Variants in ATP2B4 observed in about 807,000 individuals in gnomAD.
ATP2B4 encodes ATPase plasma membrane Ca2+ transporting 4.
In ATP2B4, 39 loss-of-function variants were observed where a neutral mutation model predicts 110.3. That is an observed-to-expected ratio of 0.35 (90% CI 0.27 to 0.46). ATP2B4 has a LOEUF of 0.46. Among genes scored for constraint, ATP2B4 ranks in the 20% least tolerant of loss-of-function variants. The pLI is 1.00. For missense variants in ATP2B4, 1,135 were observed against 1,530.9 expected, an observed-to-expected ratio of 0.74 and a Z score of 4.32; for synonymous variants, 538 against 571.7, an observed-to-expected ratio of 0.94 and a Z score of 0.84.
chr1:203,689,933 C>G (rs962447452), intron 2 of ATP2B4, among the ~76,000 whole-genome samples: 1 of 152,232 alleles, frequency 6.6e-6, no homozygotes, highest in African/African-American at 2.4e-5. Flanking sequence ...CAGTGAAGCT[C>G]TAGCATGGCC....
At position 203,700,852 on chromosome 1, in the gene ATP2B4, A is replaced by C; in HGVS notation, c.830A>C (p.Asn277Thr). The change falls in exon 6 of 21, where the codon AAC (asparagine) becomes ACC (threonine). Residue 277 changes from asparagine to threonine, a missense_variant. Physicochemically the swap from Asn to Thr is moderately conservative, Grantham distance 65 (BLOSUM62 0). Transcript: ENST00000357681. ...GRMVVTAVGV[N>T]SQTGIILTLL... ...ATGGTGGTGACAGCTGTTGGTGTCA[A>C]CTCTCAGACTGGAATCATCCTTACT... 6.2e-7 allele frequency: 1 copy of C among 1,613,332 alleles called. No individual in the cohort carries two copies. Among genetic ancestry groups the C allele is most frequent in the Non-Finnish European group, 8.5e-7 (1 of 1,179,678 alleles).
chr1:203,678,686 G>A (rs1164780745), intron 1 of ATP2B4, among the ~76,000 whole-genome samples: 3 of 152,202 alleles, frequency 2.0e-5, no homozygotes, highest in Non-Finnish European at 4.4e-5. Context: ...TTACAGGCAG[G>A]AGCCACGGCA....
At chr1:203,632,407 G>T (rs58762930) in intron 1 of ATP2B4, among the ~76,000 whole-genome samples, 1 of 151,420 alleles carries the variant, frequency 6.6e-6, no homozygotes, top group African/African-American at 2.4e-5. Flanking sequence ...GCGGTGGTGG[G>T]ATCTCGGCTC....
intron 1 of ATP2B4, among the ~76,000 whole-genome samples, chr1:203,632,246 A>G (rs139187820): frequency 2.3e-4 from 35 of 152,252 alleles, no homozygotes; most frequent in African/African-American, 7.9e-4. Flanking sequence ...CTGTGAACTT[A>G]TATGACATGA....
chr1:203,647,351 C>T (rs1663831717), intron 1 of ATP2B4, among the ~76,000 whole-genome samples: 1 of 152,042 alleles, frequency 6.6e-6, no homozygotes, highest in South Asian at 2.1e-4. Flanking sequence ...CGGGAGGATC[C>T]CTTGAGTCCA....
intron 1 of ATP2B4, among the ~76,000 whole-genome samples, chr1:203,655,581 G>A (rs749756999): frequency 4.5e-4 from 68 of 152,122 alleles, no homozygotes; most frequent in Non-Finnish European, 7.8e-4. Context: ...GGGAGGTGGA[G>A]GTTGCAGTGA....
rs150860585 is a variant in ATP2B4, at chr1:203,721,440, G to T, written c.2812+30G>T. On this transcript the variant is annotated intron_variant, in intron 17 of 20. Transcript: ENST00000357681. ...GCCACTTTGGGGGTGGGTAGCAGCT[G>T]GGGTCCTGGTTGGAGGTGGGGGCAG... 799 of 1,606,358 alleles carry T rather than the reference G, an allele frequency of 5.0e-4. 7 individuals are homozygous for T. In the African/African-American group the frequency reaches 9.7e-3, roughly 20 times the overall value.
intron 20 of ATP2B4, among the ~76,000 whole-genome samples, chr1:203,733,057 C>G (rs1666777668): frequency 6.6e-6 from 1 of 152,096 alleles, no homozygotes; most frequent in African/African-American, 2.4e-5. Flanking sequence ...TTCTCCTCAC[C>G]ATTGCTTTTT....
At chr1:203,730,302 T>C (rs1213184826) in intron 20 of ATP2B4, among the ~76,000 whole-genome samples, 3 of 150,832 alleles carry the variant, frequency 2.0e-5, no homozygotes, top group Non-Finnish European at 4.4e-5. Context: ...TCCTTTTCCC[T>C]CTCTCAAGTT....
chr1:203,710,636 TGGGTAA>T (rs1665979071), intron 11 of ATP2B4, among the ~76,000 whole-genome samples: 2 of 152,218 alleles, frequency 1.3e-5, no homozygotes, highest in African/African-American at 4.8e-5. Flanking sequence ...CATTCACATA[TGGGTAA>T]GAACAGATGA....
intron 1 of ATP2B4, among the ~76,000 whole-genome samples, chr1:203,634,241 G>A (rs1663368747): frequency 6.6e-6 from 1 of 152,130 alleles, no homozygotes; most frequent in Non-Finnish European, 1.5e-5. Flanking sequence ...TAGCAATTCT[G>A]AAACATGCAT....
In ATP2B4 at chr1:203,683,356, G is replaced by A. The variant is rs935270974; in HGVS notation, c.151G>A (p.Val51Ile). The A allele has an allele frequency of 3.7e-6, 6 of 1,613,784 alleles. No individual in the cohort carries two copies. The highest frequency in any genetic ancestry group is 2.7e-5 in the African/African-American group (2 of 74,922). Residue 51 changes from valine to isoleucine, a missense_variant, in exon 2 of 21, where the codon GTA (valine) becomes ATA (isoleucine). Coordinates refer to ENST00000357681, the MANE Select transcript of ATP2B4 (RefSeq NM_001684.5). ...LTQINVHYGG[V>I]QNLCSRLKTS... ...CCAGATTAATGTCCACTATGGAGGT[G>A]TACAGAATCTCTGCAGTAGACTGAA... is the stretch of plus-strand genomic sequence containing the variant.
chr1:203,677,189 A>G lies in ATP2B4; in HGVS notation c.-464-5553A>G, dbSNP rs78702498. Among the ~76,000 whole-genome samples the G allele has an allele frequency of 2.6e-3, 399 of 152,300 alleles. 9 individuals are homozygous for G. In the East Asian group the frequency reaches 0.035, roughly 13 times the overall value. ...CAATGAAACAGTGTATGTAAGAATG[A>G]TAATAGCTACAGTGTGTGGACCAGC... On this transcript the variant is annotated intron_variant, in intron 1 of 20. Coordinates refer to ENST00000357681, the MANE Select transcript of ATP2B4 (RefSeq NM_001684.5).
rs556156544 is a variant in ATP2B4 at position 203,716,723 on chromosome 1, C to G, written c.2406+2446C>G. Among the ~76,000 whole-genome samples, 20 of 144,852 alleles carry G rather than the reference C, an allele frequency of 1.4e-4. 5 individuals carry two copies. Among genetic ancestry groups the G allele is most frequent in the Non-Finnish European group, 2.5e-4 (16 of 65,040 alleles). On this transcript the variant is annotated intron_variant, in intron 15 of 20. Transcript: ENST00000357681. ...GGTTGTTTGTCTGCAGAGACTATCC[C>G]TCAGTATAGATTTTGTTGATTATTT... is the stretch of plus-strand genomic sequence containing the variant.
chr1:203,742,047 T>G lies in ATP2B4; in HGVS notation c.*2193T>G, dbSNP rs1667007187. 1 of 152,778 alleles carries G rather than the reference T, an allele frequency of 6.5e-6. No individual in the cohort carries two copies. Among genetic ancestry groups the G allele is most frequent in the East Asian group, 1.9e-4 (1 of 5,192 alleles). 9.5% of individuals were successfully genotyped at this position (152,778 alleles called of 1,614,324 possible). On this transcript the variant is annotated 3_prime_UTR_variant, in exon 21 of 21. Coordinates refer to ENST00000357681, the MANE Select transcript of ATP2B4 (RefSeq NM_001684.5). ...CTTTTTAAAAGTCAATGGTTTTTTTTCTTGTGTTCTAGTTTCCATAATAGG... is the reference window on the plus strand; with the variant it reads ...CTTTTTAAAAGTCAATGGTTTTTTTGCTTGTGTTCTAGTTTCCATAATAGG...
In ATP2B4 at chr1:203,700,959, C is replaced by T. The variant is rs200785034; in HGVS notation, c.901+36C>T. ...TCTGGAATGAGATTCTCTTTCCTCT[C>T]ATCCCCATGGACAAACAAGGAAGCG... On this transcript the variant is annotated intron_variant, in intron 6 of 20. Coordinates refer to ENST00000357681, the MANE Select transcript of ATP2B4 (RefSeq NM_001684.5). 6.1e-5 allele frequency: 98 copies of T among 1,599,414 alleles called. No individual in the cohort carries two copies. In the East Asian group the frequency reaches 2.0e-3, roughly 33 times the overall value.
In ATP2B4 at chr1:203,683,036, A is replaced by C; in HGVS notation, c.-170A>C. The stretch of plus-strand genomic sequence containing the variant: ...ACGGAAGAAAGGATCTAGACTTCGG[A>C]CGGCTACTCGGGAGCTTATTGCACA... On this transcript the variant is annotated 5_prime_UTR_variant, in exon 2 of 21. Transcript: ENST00000357681. The C allele has an allele frequency of 1.6e-6, 1 of 636,646 alleles. No individual in the cohort carries two copies. The highest frequency in any genetic ancestry group is 2.6e-6 in the Non-Finnish European group (1 of 385,272). 39.4% of individuals were successfully genotyped at this position (636,646 alleles called of 1,614,324 possible).
At chr1:203,677,757 C>T (rs936508720) in intron 1 of ATP2B4, among the ~76,000 whole-genome samples, 2 of 152,228 alleles carry the variant, frequency 1.3e-5, no homozygotes, top group African/African-American at 4.8e-5. Context: ...AGCCACCGCA[C>T]CCGGCCCTGA....
intron 1 of ATP2B4, among the ~76,000 whole-genome samples, chr1:203,636,223 G>T (rs1476417455): frequency 6.6e-6 from 1 of 152,196 alleles, no homozygotes; most frequent in Non-Finnish European, 1.5e-5. Flanking sequence ...AGCAGTGCCT[G>T]CCTGGAGCCT....
Sources: gnomAD v4.1 joint callset for allele counts (sites outside exome capture counted in the v4.1 genomes callset) on GRCh38, gnomAD v4.1.1 for gene constraint, MANE v1.5 for transcripts, NCBI Gene and HGNC (gene_info 2026-07-23, HGNC 2026-07-21) for gene names.